Variants in LTBP1 observed in about 807,000 individuals in gnomAD.
LTBP1 encodes the protein latent transforming growth factor beta binding protein 1, also known as latent-transforming growth factor beta-binding protein 1.
LTBP1 carries 129 observed loss-of-function variants against 207.6 expected under a neutral mutation model. That is an observed-to-expected ratio of 0.62 (90% CI 0.54 to 0.72). LTBP1 has a LOEUF of 0.72. Ranked by LOEUF, LTBP1 falls within the 30% of genes least tolerant of loss-of-function variation. The pLI, the probability that LTBP1 is intolerant of heterozygous loss-of-function variation, is 0.00. For synonymous variants in LTBP1, 963 were observed against 833.7 expected (o/e 1.16, Z -2.67); for missense variants, 2,281 against 2,217.2 (o/e 1.03, Z -0.58).
intron 5 of LTBP1, among the ~76,000 whole-genome samples, chr2:33,164,881 A>C (rs1284414637): frequency 3.3e-5 from 5 of 152,238 alleles, no homozygotes; most frequent in Admixed American, 2.0e-4. Context: ...TATTTGTGCA[A>C]ATGTGTACTG....
intron 3 of LTBP1, among the ~76,000 whole-genome samples, chr2:33,102,426 G>A (rs982951980): frequency 9.2e-5 from 14 of 152,050 alleles, no homozygotes; most frequent in African/African-American, 1.7e-4. Context: ...TACAGCCCCT[G>A]GTTAAGAACC....
intron 4 of LTBP1, among the ~76,000 whole-genome samples, chr2:33,111,687 T>C (rs1322573246): frequency 1.3e-5 from 2 of 152,204 alleles, no homozygotes; most frequent in African/African-American, 2.4e-5. Context: ...TCCCTCAGAA[T>C]TGGTCATTTA....
intron 2 of LTBP1, among the ~76,000 whole-genome samples, chr2:32,990,051 G>T (rs939923721): frequency 6.6e-5 from 10 of 152,188 alleles, no homozygotes; most frequent in African/African-American, 2.4e-4. Context: ...GCTGCAGTGG[G>T]CTATGGTCAT....
At chr2:33,273,601 G>C (rs2093364759) in intron 15 of LTBP1, 55 bp from the exon 16 acceptor site, 1 of 1,446,984 alleles carries the variant, frequency 6.9e-7, no homozygotes, top group African/African-American at 1.4e-5. Flanking sequence ...GAGAGTAGCA[G>C]TGAAATCTGT....
intron 3 of LTBP1, among the ~76,000 whole-genome samples, chr2:33,058,689 T>G (rs1174877288): frequency 6.6e-6 from 1 of 152,266 alleles, no homozygotes; most frequent in African/African-American, 2.4e-5. Flanking sequence ...GAATTTCATA[T>G]TTTGATACAG....
At chr2:33,368,427 T>C (rs981969815) in intron 31 of LTBP1, among the ~76,000 whole-genome samples, 3 of 152,202 alleles carry the variant, frequency 2.0e-5, no homozygotes, top group Admixed American at 1.3e-4. Context: ...AACACACAAA[T>C]GCAGGTATCT....
intron 19 of LTBP1, among the ~76,000 whole-genome samples, chr2:33,287,083 AAAAAT>A (rs573845435): frequency 1.1e-3 from 163 of 151,918 alleles, no homozygotes; most frequent in South Asian, 8.1e-3. Context: ...AAAGTATAAT[AAAAAT>A]AAAATAAAAA....
rs2094972663 is a variant in LTBP1, at chr2:33,365,347, A to C, written c.4555A>C (p.Thr1519Pro). The part of the protein sequence containing the change: ...PAESNEQIEE[T>P]DVYQDLCWEH... ...TTCCCTTTCAGAACAAATAGAAGAA[A>C]CTGATGTCTACCAAGATTTGTGCTG... The change falls in exon 31 of 34, where the codon ACT (threonine) becomes CCT (proline). Residue 1519 changes from threonine (T) to proline (P), a missense_variant. Coordinates refer to ENST00000404816, the MANE Select transcript of LTBP1 (RefSeq NM_206943.4). 1.2e-6 allele frequency: 2 copies of C among 1,614,026 alleles called. No homozygotes were observed. The highest frequency in any genetic ancestry group is 2.7e-5 in the African/African-American group (2 of 74,924).
chr2:33,019,670 A>T (rs2075057205), intron 2 of LTBP1, among the ~76,000 whole-genome samples: 1 of 150,474 alleles, frequency 6.6e-6, no homozygotes, highest in Non-Finnish European at 1.5e-5. Flanking sequence ...CTTGCCTATC[A>T]TAAAACCTAC....
chr2:33,234,152 A>C (rs1360618176), intron 9 of LTBP1, among the ~76,000 whole-genome samples: 1 of 152,152 alleles, frequency 6.6e-6, no homozygotes, highest in Non-Finnish European at 1.5e-5. Flanking sequence ...TAAAGTGAAA[A>C]TATCCATTGA....
At chr2:33,366,949 T>C (rs1243911386) in intron 31 of LTBP1, among the ~76,000 whole-genome samples, 2 of 152,164 alleles carry the variant, frequency 1.3e-5, no homozygotes, top group East Asian at 1.9e-4. Context: ...TCACATGTAT[T>C]CCTCCTAAAG....
At chr2:33,279,210 A>G (rs2093507551) in intron 18 of LTBP1, among the ~76,000 whole-genome samples, 2 of 152,222 alleles carry the variant, frequency 1.3e-5, no homozygotes, top group African/African-American at 4.8e-5. Context: ...ATGCAGCTAG[A>G]AGCCATGGTG....
chr2:33,106,954 C>A (rs558380844), intron 3 of LTBP1, among the ~76,000 whole-genome samples: 2 of 152,308 alleles, frequency 1.3e-5, no homozygotes, highest in East Asian at 3.9e-4. Context: ...TCATTTTCAC[C>A]CTTTACTTTA....
intron 3 of LTBP1, 52 bp downstream of exon 3, chr2:33,021,258 G>C (rs757769441): frequency 8.1e-5 from 120 of 1,487,910 alleles, no homozygotes; most frequent in Non-Finnish European, 1.0e-4. Flanking sequence ...TTACTCTCTT[G>C]GATGCCTTGC....
chr2:33,048,615 C>T (rs1311533977), intron 3 of LTBP1, among the ~76,000 whole-genome samples: 2 of 152,182 alleles, frequency 1.3e-5, no homozygotes, highest in Non-Finnish European at 2.9e-5. Flanking sequence ...AGTCGACATC[C>T]AGACTGACCC....
intron 32 of LTBP1, among the ~76,000 whole-genome samples, chr2:33,390,487 C>T (rs909321235): frequency 6.7e-6 from 1 of 150,280 alleles, no homozygotes; most frequent in Admixed American, 6.6e-5. Context: ...TGTAGCTTCA[C>T]CACAAATTTT....
chr2:33,197,746 G>A (rs1050370679), intron 7 of LTBP1, among the ~76,000 whole-genome samples: 1 of 152,164 alleles, frequency 6.6e-6, no homozygotes, highest in East Asian at 1.9e-4. Flanking sequence ...TCTATGGGAA[G>A]CATTTAGAAT....
At chr2:33,155,924 C>A (rs1367728390) in intron 5 of LTBP1, among the ~76,000 whole-genome samples, 2 of 152,148 alleles carry the variant, frequency 1.3e-5, no homozygotes, top group Non-Finnish European at 2.9e-5. Context: ...GTGATACTTC[C>A]CTTCAGTGCT....
At chr2:32,959,621 A>ATATATATATATTTTTTTTTTT (rs1475834284) in intron 2 of LTBP1, among the ~76,000 whole-genome samples, 1 of 36,668 alleles carries the variant, frequency 2.7e-5, no homozygotes, top group Non-Finnish European at 5.0e-5. Flanking sequence ...ATATATATAT[A>ATATATATATATTTTTTTTTTT]TTTTTTTTTT....
Sources: gnomAD v4.1 joint callset for allele counts (sites outside exome capture counted in the v4.1 genomes callset) on GRCh38, gnomAD v4.1.1 for gene constraint, MANE v1.5 for transcripts, NCBI Gene and HGNC (gene_info 2026-07-23, HGNC 2026-07-21) for gene names.